STK31: variants seen among roughly 807,000 people sequenced by gnomAD.
STK31 encodes the protein serine/threonine kinase 31.
In STK31, 89 loss-of-function variants were observed where a neutral mutation model predicts 129.7. The observed-to-expected ratio is 0.69, with a 90% CI of 0.58 to 0.82. The LOEUF is 0.82. Among genes scored for constraint, STK31 ranks in the 40% least tolerant of loss-of-function variants. The pLI, the probability that STK31 is intolerant of heterozygous loss-of-function variation, is 0.00. For synonymous variants in STK31, 448 were observed against 395.3 expected (o/e 1.13, Z -1.58); for missense variants, 1,187 against 1,176.4 (o/e 1.01, Z -0.13).
At chr7:23,744,714 G>A (rs1205796897) in intron 8 of STK31, among the ~76,000 whole-genome samples, 1 of 152,202 alleles carries the variant, frequency 6.6e-6, no homozygotes, top group Non-Finnish European at 1.5e-5. Flanking sequence ...GATGTGAATA[G>A]TCAGTGGCGT....
intron 4 of STK31, among the ~76,000 whole-genome samples, chr7:23,719,851 A>G (rs4722260): frequency 6.6e-6 from 1 of 151,886 alleles, no homozygotes; most frequent in East Asian, 1.9e-4. Context: ...ATATAATAAT[A>G]CTTTCACTAT....
At chr7:23,792,445 A>G (rs969586525) in intron 22 of STK31, among the ~76,000 whole-genome samples, 8 of 152,206 alleles carry the variant, frequency 5.3e-5, no homozygotes, top group Non-Finnish European at 1.5e-5. Flanking sequence ...ACTACAAAGC[A>G]TTGTTCAGAG....
intron 7 of STK31, among the ~76,000 whole-genome samples, 188 bp from the exon 8 acceptor site, chr7:23,736,716 C>T (rs1159703134): frequency 2.0e-5 from 3 of 152,032 alleles, no homozygotes; most frequent in South Asian, 4.2e-4. Context: ...TATTGAATTA[C>T]GACTTCAGTT....
chr7:23,715,634 A>ATATAGTTAT (rs1326834137), intron 3 of STK31, among the ~76,000 whole-genome samples: 3 of 152,064 alleles, frequency 2.0e-5, no homozygotes, highest in Non-Finnish European at 4.4e-5. Context: ...TAGTGAAAAA[A>ATATAGTTAT]TATAGTTATA....
chr7:23,787,606 AG>A (rs2128112004), intron 20 of STK31, among the ~76,000 whole-genome samples: 1 of 152,224 alleles, frequency 6.6e-6, no homozygotes, highest in East Asian at 1.9e-4. Flanking sequence ...TGAGGGATCT[AG>A]GTTGCGCACT....
chr7:23,759,265 C>G lies in STK31; in HGVS notation c.1294-3536C>G, dbSNP rs541892122. 2.2e-3 allele frequency among the ~76,000 whole-genome samples: 342 copies of G among 152,332 alleles called. 6 individuals carry two copies. Among genetic ancestry groups the G allele is most frequent in the Non-Finnish European group, 2.3e-3 (157 of 68,028 alleles). Reference sequence around the variant, plus strand: ...GGATATTCAGGACTTGAACTTAGCTCTCTATCAAGTGGACCTGATAGACGT... The same window carrying G: ...GGATATTCAGGACTTGAACTTAGCTGTCTATCAAGTGGACCTGATAGACGT... On this transcript the variant is annotated intron_variant, in intron 10 of 23. Coordinates refer to ENST00000355870, the MANE Select transcript of STK31 (RefSeq NM_031414.5).
intron 18 of STK31, 93 bp downstream of exon 18, chr7:23,785,696 G>A: frequency 6.8e-7 from 1 of 1,463,100 alleles, no homozygotes; most frequent in African/African-American, 1.4e-5. Flanking sequence ...CTCACTGTTA[G>A]TTTTCTAAAG....
chr7:23,733,545 A>C (rs1002471944), intron 6 of STK31, among the ~76,000 whole-genome samples: 1 of 151,992 alleles, frequency 6.6e-6, no homozygotes, highest in African/African-American at 2.4e-5. Context: ...GCGGTGTCTC[A>C]CGCCTGTAAT....
At chr7:23,746,911 C>G (rs960671913) in intron 8 of STK31, among the ~76,000 whole-genome samples, 3 of 151,552 alleles carry the variant, frequency 2.0e-5, no homozygotes, top group Non-Finnish European at 4.4e-5. Flanking sequence ...ATAAATTAAA[C>G]TTTTTACTTT....
intron 10 of STK31, among the ~76,000 whole-genome samples, chr7:23,755,490 G>C (rs990497889): frequency 2.0e-5 from 3 of 152,112 alleles, no homozygotes; most frequent in African/African-American, 7.2e-5. Flanking sequence ...CTGTGCAGAA[G>C]CTCTTTAGTT....
At chr7:23,737,772 G>A (rs1263270072) in intron 8 of STK31, among the ~76,000 whole-genome samples, 2 of 152,066 alleles carry the variant, frequency 1.3e-5, no homozygotes, top group African/African-American at 2.4e-5. Flanking sequence ...ATCTCCACGT[G>A]TGTCTTCTTT....
chr7:23,790,857 G>A lies in STK31; in HGVS notation c.2671G>A (p.Asp891Asn). 1 of 1,608,368 alleles carries A rather than the reference G, an allele frequency of 6.2e-7. No individual in the cohort carries two copies. Among genetic ancestry groups the A allele is most frequent in the Non-Finnish European group, 8.5e-7 (1 of 1,177,952 alleles). ...QRASVNMMVG[D>N]LSLMSPELKM... ...AGCCTCGGTGAACATGATGGTTGGTGACTTGAGTTTGATGTCACCTGAGTT... is the reference window on the plus strand; with the variant it reads ...AGCCTCGGTGAACATGATGGTTGGTAACTTGAGTTTGATGTCACCTGAGTT... Residue 891 changes from aspartate to asparagine, a missense_variant, in exon 22 of 24, where the codon GAC (aspartate) becomes AAC (asparagine). Transcript: ENST00000355870.
intron 22 of STK31, among the ~76,000 whole-genome samples, chr7:23,805,077 CTCTCT>C (rs1324348205): frequency 2.9e-5 from 4 of 139,778 alleles, no homozygotes; most frequent in African/African-American, 1.2e-4. Flanking sequence ...ATTTCTCTCT[CTCTCT>C]TTTTTTTTTT....
intron 15 of STK31, among the ~76,000 whole-genome samples, chr7:23,778,152 T>C (rs768455495): frequency 6.6e-6 from 1 of 152,204 alleles, no homozygotes; most frequent in Non-Finnish European, 1.5e-5. Flanking sequence ...TTAAGAATGT[T>C]GAATATTGGC....
chr7:23,788,164 C>G lies in STK31; in HGVS notation c.2637+35C>G, dbSNP rs964719228. On this transcript the variant is annotated intron_variant, in intron 21 of 23. Transcript: ENST00000355870. ...CATGGTTTTACAAATAGGTTCTAGA[C>G]TTTATTTAATATTATTAAGCAGTAG... 2.6e-6 allele frequency: 4 copies of G among 1,558,272 alleles called. No homozygotes were observed. In the African/African-American group the frequency reaches 4.1e-5, roughly 16 times the overall value.
At chr7:23,737,859 AAG>A (rs1562561238) in intron 8 of STK31, among the ~76,000 whole-genome samples, 1 of 94,862 alleles carries the variant, frequency 1.1e-5, no homozygotes, top group African/African-American at 3.6e-5. Flanking sequence ...TGTGGTTGAT[AAG>A]TGTGTGTGTG....
intron 11 of STK31, among the ~76,000 whole-genome samples, chr7:23,768,271 G>C (rs1254238301): frequency 6.6e-6 from 1 of 152,102 alleles, no homozygotes; most frequent in Admixed American, 6.6e-5. Context: ...GTAGGCTATA[G>C]CATGTAGTTT....
intron 6 of STK31, among the ~76,000 whole-genome samples, chr7:23,731,762 A>G (rs1015699836): frequency 6.6e-6 from 1 of 152,176 alleles, no homozygotes; most frequent in South Asian, 2.1e-4. Flanking sequence ...TTTAAAAATT[A>G]TATGTAGGGT....
intron 15 of STK31, among the ~76,000 whole-genome samples, chr7:23,773,294 T>G (rs1300984158): frequency 6.6e-6 from 1 of 152,182 alleles, no homozygotes; most frequent in Non-Finnish European, 1.5e-5. Context: ...CATGCGGTGT[T>G]TGGTTTTCTG....
Sources: gnomAD v4.1 joint callset for allele counts (sites outside exome capture counted in the v4.1 genomes callset) on GRCh38, gnomAD v4.1.1 for gene constraint, MANE v1.5 for transcripts, NCBI Gene and HGNC (gene_info 2026-07-23, HGNC 2026-07-21) for gene names.